LINGO2: variants seen among roughly 807,000 people sequenced by gnomAD.
The protein encoded by LINGO2 is leucine rich repeat and Ig domain containing 2, also known as leucine-rich repeat and immunoglobulin-like domain-containing nogo receptor-interacting protein 2.
A neutral mutation model predicts 30.6 loss-of-function variants in LINGO2; 14 were observed. The observed-to-expected ratio is 0.46, with a 90% CI of 0.30 to 0.72. The LOEUF (loss-of-function observed/expected upper bound fraction) is 0.72, where lower values mean the gene tolerates loss of function less well. Among genes scored for constraint, LINGO2 ranks in the 30% least tolerant of loss-of-function variants. The pLI, the probability that LINGO2 is intolerant of heterozygous loss-of-function variation, is 0.07. For missense variants in LINGO2, 729 were observed against 751.7 expected (o/e 0.97, Z 0.35); for synonymous variants, 317 against 288.5 (o/e 1.10, Z -1.00).
chr9:28,127,344 A>C (rs1452338), intron 4 of LINGO2, among the ~76,000 whole-genome samples: 3 of 152,084 alleles, frequency 2.0e-5, no homozygotes, highest in African/African-American at 7.2e-5. Context: ...TATACTGTTG[A>C]AGAGAGGCAG....
intron 4 of LINGO2, among the ~76,000 whole-genome samples, chr9:28,087,577 G>A (rs1825950043): frequency 6.6e-6 from 1 of 151,848 alleles, no homozygotes; most frequent in Admixed American, 6.6e-5. Context: ...TCCTATCTGG[G>A]GAATCTTTTC....
the LINGO2 span, among the ~76,000 whole-genome samples, chr9:29,141,158 G>C: frequency 1.8e-3 from 277 of 152,124 alleles, 1 homozygote; most frequent in African/African-American, 6.3e-3. Context: ...TACAGTAGCA[G>C]TAGTATGTAA....
At chr9:28,593,485 A>G (rs1825024358) in intron 1 of LINGO2, among the ~76,000 whole-genome samples, 1 of 152,058 alleles carries the variant, frequency 6.6e-6, no homozygotes, top group Non-Finnish European at 1.5e-5. Flanking sequence ...TGTTTTGTAA[A>G]ATAGAGCAAA....
At chr9:28,564,812 C>A (rs1317454704) in intron 1 of LINGO2, among the ~76,000 whole-genome samples, 1 of 152,094 alleles carries the variant, frequency 6.6e-6, no homozygotes, top group Non-Finnish European at 1.5e-5. Context: ...TCCTCTACTG[C>A]ACTAGCCACA....
chr9:28,434,116 G>C lies in LINGO2; in HGVS notation c.-279+41824C>G, dbSNP rs113303348. 3.5e-4 allele frequency among the ~76,000 whole-genome samples: 53 copies of C among 151,406 alleles called. 1 individual carries two copies. Among genetic ancestry groups the C allele is most frequent in the Non-Finnish European group, 6.9e-4 (47 of 67,812 alleles). ...ATTCAGGATTGGAAAACCAAATATCGTATGTTCTCACTTACAAGTGGGAGC... is the reference window on the plus strand; with the variant it reads ...ATTCAGGATTGGAAAACCAAATATCCTATGTTCTCACTTACAAGTGGGAGC... On this transcript the variant is annotated intron_variant, in intron 2 of 5. Coordinates refer to ENST00000379992, the Ensembl canonical transcript of LINGO2.
At chr9:28,664,993 T>TTATA (rs1828737171) in intron 1 of LINGO2, among the ~76,000 whole-genome samples, 1 of 57,124 alleles carries the variant, frequency 1.8e-5, no homozygotes, top group Non-Finnish European at 4.1e-5. Context: ...ATGTATGTGT[T>TTATA]TACATATATA....
chr9:28,961,951 G>A, the LINGO2 span, among the ~76,000 whole-genome samples: 1 of 151,880 alleles, frequency 6.6e-6, no homozygotes, highest in Non-Finnish European at 1.5e-5. Context: ...GAGCTGCTAT[G>A]CCTGTATCAT....
At chr9:29,004,885 A>C in the LINGO2 span, among the ~76,000 whole-genome samples, 1 of 152,018 alleles carries the variant, frequency 6.6e-6, no homozygotes, top group Admixed American at 6.6e-5. Context: ...CAATTTAATT[A>C]ATCTGTATGT....
the LINGO2 span, among the ~76,000 whole-genome samples, chr9:28,717,564 T>G: frequency 6.6e-6 from 1 of 151,982 alleles, no homozygotes; most frequent in African/African-American, 2.4e-5. Flanking sequence ...TCCCACACAC[T>G]CAAGAGCAAA....
chr9:28,860,703 C>G, the LINGO2 span, among the ~76,000 whole-genome samples: 3 of 148,496 alleles, frequency 2.0e-5, no homozygotes, highest in African/African-American at 7.4e-5. Flanking sequence ...TATGCATAAT[C>G]CACTTCTAAA....
intron 4 of LINGO2, among the ~76,000 whole-genome samples, chr9:28,251,517 GT>G (rs1822198247): frequency 6.6e-6 from 1 of 152,084 alleles, no homozygotes. Context: ...CTGAAAACAT[GT>G]ATGTAATGGA....
intron 4 of LINGO2, among the ~76,000 whole-genome samples, chr9:28,270,158 C>T (rs1822890028): frequency 6.6e-6 from 1 of 152,128 alleles, no homozygotes; most frequent in African/African-American, 2.4e-5. Flanking sequence ...ATGTCCTACC[C>T]TCTTTACGGT....
the LINGO2 span, among the ~76,000 whole-genome samples, chr9:28,874,926 T>G: frequency 2.6e-5 from 4 of 152,120 alleles, no homozygotes; most frequent in East Asian, 7.7e-4. Flanking sequence ...TGAGAAAGGT[T>G]GTACTGGTTG....
intron 1 of LINGO2, among the ~76,000 whole-genome samples, chr9:28,596,711 T>C (rs1440657271): frequency 6.6e-6 from 1 of 152,238 alleles, no homozygotes; most frequent in East Asian, 1.9e-4. Context: ...GCCTTTAGCA[T>C]AAAACTGTAG....
the LINGO2 span, among the ~76,000 whole-genome samples, chr9:29,078,890 T>C: frequency 6.6e-6 from 1 of 151,916 alleles, no homozygotes; most frequent in Non-Finnish European, 1.5e-5. Context: ...AGGCTGAATT[T>C]TTTTTAACAA....
chr9:28,945,491 T>TA, the LINGO2 span, among the ~76,000 whole-genome samples: 1 of 152,082 alleles, frequency 6.6e-6, no homozygotes, highest in African/African-American at 2.4e-5. Context: ...TCTTAACAGT[T>TA]ACGTAATAAA....
At chr9:28,855,534 T>C in the LINGO2 span, among the ~76,000 whole-genome samples, 32 of 152,142 alleles carry the variant, frequency 2.1e-4, no homozygotes, top group Admixed American at 5.9e-4. Context: ...ATACCTAAAT[T>C]AATTGCATGT....
At chr9:28,707,652 T>A in the LINGO2 span, among the ~76,000 whole-genome samples, 1 of 152,032 alleles carries the variant, frequency 6.6e-6, no homozygotes, top group Non-Finnish European at 1.5e-5. Flanking sequence ...CTTGTAATGA[T>A]CCTGTCCTCC....
In LINGO2 at chr9:28,408,361, A is replaced by T. The variant is rs144236696; in HGVS notation, c.-278-35493T>A. ...TATCTTGAGTATTATCACTATTATTAGTTTCAACGTGGACTGGTAGATTTG... is the reference window on the plus strand; with the variant it reads ...TATCTTGAGTATTATCACTATTATTTGTTTCAACGTGGACTGGTAGATTTG... On this transcript the variant is annotated intron_variant, in intron 2 of 5. Coordinates refer to ENST00000379992, the Ensembl canonical transcript of LINGO2. 2.1e-3 allele frequency among the ~76,000 whole-genome samples: 326 copies of T among 152,262 alleles called. 2 individuals carry two copies. The highest frequency in any genetic ancestry group is 7.5e-3 in the African/African-American group (310 of 41,554).
Sources: gnomAD v4.1 joint callset for allele counts (sites outside exome capture counted in the v4.1 genomes callset) on GRCh38, gnomAD v4.1.1 for gene constraint, MANE v1.5 for transcripts, NCBI Gene and HGNC (gene_info 2026-07-23, HGNC 2026-07-21) for gene names.